Variants in DCAF1 observed in about 807,000 individuals in gnomAD.
The protein encoded by DCAF1 is DDB1 and CUL4 associated factor 1.
DCAF1 carries 15 observed loss-of-function variants against 128.0 expected under a neutral mutation model. The observed-to-expected ratio is 0.12, with a 90% CI of 0.08 to 0.18. The LOEUF is 0.18. Among genes scored for constraint, DCAF1 ranks in the 10% least tolerant of loss-of-function variants. The probability of loss-of-function intolerance (pLI) is 1.00; values close to 1 mark genes in which losing one functional copy is unlikely to be tolerated. For missense variants in DCAF1, 988 were observed against 1,649.5 expected (o/e 0.60, Z 6.95); for synonymous variants, 610 against 603.0 (o/e 1.01, Z -0.17).
chr3:51,492,141 G>C (rs1707728144), intron 2 of DCAF1, among the ~76,000 whole-genome samples: 1 of 149,474 alleles, frequency 6.7e-6, no homozygotes, highest in Non-Finnish European at 1.5e-5. Flanking sequence ...CCTGGTGACA[G>C]AGCAAGACCC....
intron 3 of DCAF1, among the ~76,000 whole-genome samples, chr3:51,481,205 A>G (rs1706151552): frequency 1.3e-5 from 2 of 152,188 alleles, no homozygotes; most frequent in Non-Finnish European, 2.9e-5. Flanking sequence ...AGGCCACACT[A>G]AAAACTTTAC....
chr3:51,444,019 T>TA (rs1701608383), intron 6 of DCAF1, 116 bp from the exon 7 acceptor site: 11 of 939,860 alleles, frequency 1.2e-5, no homozygotes, highest in Non-Finnish European at 1.4e-5. Context: ...TTCGTAAGAG[T>TA]AAAAAAAGTA....
intron 3 of DCAF1, among the ~76,000 whole-genome samples, chr3:51,481,748 T>G (rs1706226195): frequency 6.6e-6 from 1 of 152,020 alleles, no homozygotes; most frequent in Non-Finnish European, 1.5e-5. Flanking sequence ...CCCAGCACTT[T>G]GAGAGGCCGA....
chr3:51,461,576 G>T (rs1276219515), intron 6 of DCAF1, among the ~76,000 whole-genome samples: 1 of 152,038 alleles, frequency 6.6e-6, no homozygotes, highest in Non-Finnish European at 1.5e-5. Flanking sequence ...ATACCCAAAG[G>T]ATTATAAATC....
At chr3:51,444,393 CAGGCT>C (rs1296271079) in intron 6 of DCAF1, among the ~76,000 whole-genome samples, 2 of 152,050 alleles carry the variant, frequency 1.3e-5, no homozygotes, top group Non-Finnish European at 2.9e-5. Context: ...CTCTGTCGCC[CAGGCT>C]GGAGTACAGT....
chr3:51,492,887 G>A (rs571686180), intron 2 of DCAF1, among the ~76,000 whole-genome samples: 67 of 152,058 alleles, frequency 4.4e-4, no homozygotes, highest in Middle Eastern at 3.4e-3. Flanking sequence ...CCACCTACTC[G>A]GGAGACTGAG....
chr3:51,472,214 G>A (rs369091200), intron 3 of DCAF1, among the ~76,000 whole-genome samples: 34 of 152,006 alleles, frequency 2.2e-4, no homozygotes, highest in East Asian at 3.9e-4. Context: ...ATTAACCTTC[G>A]GTCACTGTTC....
intron 2 of DCAF1, among the ~76,000 whole-genome samples, chr3:51,493,858 G>C (rs936478863): frequency 6.6e-6 from 1 of 151,824 alleles, no homozygotes; most frequent in Non-Finnish European, 1.5e-5. Context: ...TTAGCCGGGC[G>C]TGGTGGCATG....
chr3:51,398,760 G>C lies in DCAF1; in HGVS notation c.*9C>G. ...CTGCCAAGAATCTCTTCCAAGCAGTGATGGCTCCTCACTCATTCAGAGATA... is the reference window on the plus strand; with the variant it reads ...CTGCCAAGAATCTCTTCCAAGCAGTCATGGCTCCTCACTCATTCAGAGATA... On this transcript the variant is annotated 3_prime_UTR_variant, in exon 25 of 25. Transcript: ENST00000684031. 1 of 1,587,078 alleles carries C rather than the reference G, an allele frequency of 6.3e-7. No individual in the cohort carries two copies. Among genetic ancestry groups the C allele is most frequent in the Non-Finnish European group, 8.6e-7 (1 of 1,166,106 alleles).
chr3:51,420,260 G>A lies in DCAF1; in HGVS notation c.2710C>T (p.Arg904Cys), dbSNP rs2107344599. 2 of 1,614,038 alleles carry A rather than the reference G, an allele frequency of 1.2e-6. No individual in the cohort carries two copies. Among genetic ancestry groups the A allele is most frequent in the Non-Finnish European group, 1.7e-6 (2 of 1,179,902 alleles). ...ASPVSLPRTP[R>C]IANGIATRLG... ...CGAGTTGCAATGCCATTAGCGATAC[G>A]AGGGGTTCGGGGTAGAGAGACAGGA... The change falls in exon 15 of 25, where the codon CGT becomes TGT. Residue 904 changes from arginine to cysteine, a missense_variant. Physicochemically the swap from Arg to Cys is radical, Grantham distance 180. Transcript: ENST00000684031. This position sits in a 1 kb window ranked among gnomAD's most constrained non-coding sequence, Gnocchi z 6.5.
At chr3:51,485,399 T>C (rs1706812761) in intron 2 of DCAF1, among the ~76,000 whole-genome samples, 1 of 152,080 alleles carries the variant, frequency 6.6e-6, no homozygotes, top group African/African-American at 2.4e-5. Context: ...TGGTTCAAAC[T>C]AGGAATGCAG....
chr3:51,461,248 G>A (rs1342757878), intron 6 of DCAF1, among the ~76,000 whole-genome samples: 26 of 152,070 alleles, frequency 1.7e-4, no homozygotes, highest in Admixed American at 3.3e-4. Context: ...AAAAGTGGGC[G>A]AAGGATATGA....
At chr3:51,452,192 G>A (rs1303734292) in intron 6 of DCAF1, among the ~76,000 whole-genome samples, 2 of 151,988 alleles carry the variant, frequency 1.3e-5, no homozygotes, top group Non-Finnish European at 2.9e-5. Context: ...TGAGACCACA[G>A]TGTGCACCAC....
chr3:51,505,281 A>C, the DCAF1 span, among the ~76,000 whole-genome samples: 11,036 of 151,890 alleles, frequency 0.073, 963 homozygotes, highest in East Asian at 0.33. Flanking sequence ...AATAATAATA[A>C]AAATAAAATT....
chr3:51,398,722 C>T lies in DCAF1; in HGVS notation c.*47G>A, dbSNP rs1553623952. 2 of 1,559,446 alleles carry T rather than the reference C, an allele frequency of 1.3e-6. No individual in the cohort carries two copies. Among genetic ancestry groups the T allele is most frequent in the Non-Finnish European group, 8.7e-7 (1 of 1,151,922 alleles). ...GGGAATATGTTCTGAATTCATTTGA[C>T]TCAGTTTCTCGCCTGCCAAGAATCT... On this transcript the variant is annotated 3_prime_UTR_variant, in exon 25 of 25. Transcript: ENST00000684031.
chr3:51,398,582 G>A lies in DCAF1; in HGVS notation c.*187C>T. Reference sequence around the variant, plus strand: ...CCTAGTCCCTGTTGTCATTTTTGTGGTGGTTATTGATTCTGGAAGGACCCT... The same window carrying A: ...CCTAGTCCCTGTTGTCATTTTTGTGATGGTTATTGATTCTGGAAGGACCCT... On this transcript the variant is annotated 3_prime_UTR_variant, in exon 25 of 25. Transcript: ENST00000684031. The A allele has an allele frequency of 1.5e-6, 1 of 673,940 alleles. No individual in the cohort carries two copies. Among genetic ancestry groups the A allele is most frequent in the Non-Finnish European group, 2.5e-6 (1 of 404,686 alleles). 41.7% of individuals were successfully genotyped at this position (673,940 alleles called of 1,614,324 possible).
intron 3 of DCAF1, among the ~76,000 whole-genome samples, chr3:51,472,181 C>A (rs1173156672): frequency 2.0e-5 from 3 of 152,192 alleles, no homozygotes; most frequent in Non-Finnish European, 4.4e-5. Flanking sequence ...CTGACCACTT[C>A]TTCCACTCCT....
chr3:51,443,660 T>C (rs774184618), intron 7 of DCAF1, 106 bp downstream of exon 7: 57 of 973,040 alleles, frequency 5.9e-5, no homozygotes, highest in Non-Finnish European at 7.6e-5. Flanking sequence ...ATAGCCATGC[T>C]CCAGTACAAG....
At chr3:51,450,947 C>T (rs894076324) in intron 6 of DCAF1, among the ~76,000 whole-genome samples, 1 of 151,610 alleles carries the variant, frequency 6.6e-6, no homozygotes, top group Non-Finnish European at 1.5e-5. Flanking sequence ...CCTAAAGACT[C>T]CATACACAAA....
Sources: allele counts gnomAD v4.1 joint callset (sites outside exome capture counted in the v4.1 genomes callset), GRCh38; gene constraint gnomAD v4.1.1; non-coding constraint Gnocchi (gnomAD v3.1); transcripts MANE v1.5; gene names NCBI Gene and HGNC (gene_info 2026-07-23, HGNC 2026-07-21).